DIXDC1: variants seen among roughly 807,000 people sequenced by gnomAD.
DIXDC1 encodes dixin.
DIXDC1 carries 64 observed loss-of-function variants against 103.1 expected under a neutral mutation model. That is an observed-to-expected ratio of 0.62 (90% CI 0.51 to 0.76). The LOEUF (loss-of-function observed/expected upper bound fraction) is 0.76. Among genes scored for constraint, DIXDC1 ranks in the 30% least tolerant of loss-of-function variants. DIXDC1 has a pLI of 0.00. For missense variants in DIXDC1, 759 were observed against 834.2 expected (o/e 0.91, Z 1.11); for synonymous variants, 266 against 298.5 (o/e 0.89, Z 1.12).
chr11:111,982,607 A>G, intron 7 of DIXDC1, 120 bp downstream of exon 7: 1 of 1,066,516 alleles, frequency 9.4e-7, no homozygotes, highest in Non-Finnish European at 1.3e-6. Flanking sequence ...AGGAGTTTAG[A>G]TATAGGGAAT....
chr11:111,967,799 C>G (rs587747117), intron 2 of DIXDC1, among the ~76,000 whole-genome samples: 141 of 152,334 alleles, frequency 9.3e-4, no homozygotes, highest in African/African-American at 3.1e-3. Flanking sequence ...TCTCCATTGG[C>G]TGCTCATTAC....
intron 2 of DIXDC1, among the ~76,000 whole-genome samples, chr11:111,931,717 T>G (rs1000350881): frequency 6.6e-6 from 1 of 152,152 alleles, no homozygotes; most frequent in Non-Finnish European, 1.5e-5. Flanking sequence ...ATAAATTACC[T>G]CGTACAACAA....
At chr11:111,934,713 A>G (rs1555167978), upstream of DIXDC1, among the ~76,000 whole-genome samples, 1 of 152,194 alleles carries the variant, frequency 6.6e-6, no homozygotes, top group Non-Finnish European at 1.5e-5. Context: ...TGTAAGGCCA[A>G]CTAAGATAAC....
Position 111,977,244 on chromosome 11 carries a change from C to G in DIXDC1, c.656+2261C>G. Reference sequence around the variant, plus strand: ...GTTGGCCAGCGGAGCTGGCTTGGGTCGGAGCCCGGCTGCCTCGCCGCGTGT... The same window carrying G: ...GTTGGCCAGCGGAGCTGGCTTGGGTGGGAGCCCGGCTGCCTCGCCGCGTGT... On this transcript the variant is annotated intron_variant, in intron 5 of 19. Transcript: ENST00000440460. The surrounding 1 kb of genome is among the most constrained non-coding windows in gnomAD (Gnocchi z 6.1). 1.0e-6 allele frequency: 1 copy of G among 999,482 alleles called. No individual in the cohort carries two copies. Among genetic ancestry groups the G allele is most frequent in the Non-Finnish European group, 1.2e-6 (1 of 840,282 alleles). The allele number at this position is 999,482 out of a possible 1,614,324, so 61.9% of individuals were successfully genotyped here.
chr11:111,947,911 G>T (rs1358106441), intron 1 of DIXDC1, among the ~76,000 whole-genome samples: 4 of 152,138 alleles, frequency 2.6e-5, no homozygotes, highest in Non-Finnish European at 5.9e-5. Context: ...TCAGTATTTT[G>T]GGAGGCCAAG....
chr11:111,970,629 T>C (rs1859888214), intron 3 of DIXDC1, among the ~76,000 whole-genome samples: 1 of 142,828 alleles, frequency 7.0e-6, no homozygotes, highest in Non-Finnish European at 1.5e-5. Context: ...GCCACTACAC[T>C]CCAGCCTGGG....
chr11:111,971,609 C>G (rs1351679844), intron 3 of DIXDC1, among the ~76,000 whole-genome samples: 5 of 152,210 alleles, frequency 3.3e-5, no homozygotes, highest in African/African-American at 1.2e-4. Context: ...ATAAATCATT[C>G]TACCAAAAGG....
At chr11:111,982,310 G>A in intron 6 of DIXDC1, 29 bp from the exon 7 acceptor site, 3 of 1,605,548 alleles carry the variant, frequency 1.9e-6, no homozygotes, top group Non-Finnish European at 2.5e-6. Flanking sequence ...TCTTCAACAT[G>A]AACTGTACTC....
chr11:111,982,539 C>T (rs1262635537), intron 7 of DIXDC1, 52 bp downstream of exon 7: 8 of 1,568,422 alleles, frequency 5.1e-6, no homozygotes, highest in Non-Finnish European at 6.9e-6. Context: ...ATTATTAAGT[C>T]AGTATTATCA....
intron 1 of DIXDC1, among the ~76,000 whole-genome samples, chr11:111,960,578 G>A (rs1859539703): frequency 7.1e-6 from 1 of 140,364 alleles, no homozygotes; most frequent in Admixed American, 7.1e-5. Context: ...TGGGAGACAA[G>A]AGTGAAACTC....
intron 1 of DIXDC1, among the ~76,000 whole-genome samples, chr11:111,928,240 G>A (rs1965894116): frequency 1.3e-5 from 2 of 151,850 alleles, no homozygotes; most frequent in African/African-American, 4.8e-5. Context: ...AAACTCTGTA[G>A]CCTATTTTCT....
intron 5 of DIXDC1, among the ~76,000 whole-genome samples, chr11:111,978,822 G>A (rs1452720922): frequency 1.3e-5 from 2 of 152,186 alleles, no homozygotes; most frequent in African/African-American, 4.8e-5. Context: ...CTTGCAGGCC[G>A]CTTTCTACAC....
intron 1 of DIXDC1, 89 bp downstream of exon 1, chr11:111,937,648 C>G: frequency 7.3e-7 from 1 of 1,360,994 alleles, no homozygotes; most frequent in Non-Finnish European, 1.0e-6. Context: ...CTCCTCCATC[C>G]TTTGGGGACC....
intron 1 of DIXDC1, among the ~76,000 whole-genome samples, chr11:111,950,701 C>G (rs1365872019): frequency 6.6e-6 from 1 of 151,898 alleles, no homozygotes; most frequent in Non-Finnish European, 1.5e-5. Flanking sequence ...GCTTATCCAC[C>G]TGCCTCAGCC....
intron 5 of DIXDC1, among the ~76,000 whole-genome samples, chr11:111,980,502 G>A (rs1288503683): frequency 6.6e-6 from 1 of 152,186 alleles, no homozygotes; most frequent in Non-Finnish European, 1.5e-5. Context: ...AGGCATCCTT[G>A]TTGTGGGAGA....
intron 1 of DIXDC1, among the ~76,000 whole-genome samples, chr11:111,944,704 CGTG>C (rs1345705905): frequency 6.6e-6 from 1 of 152,148 alleles, no homozygotes. Context: ...CCGGCCACCT[CGTG>C]GTACTATCAC....
intron 12 of DIXDC1, among the ~76,000 whole-genome samples, chr11:111,993,272 A>G (rs1487029575): frequency 6.6e-6 from 1 of 152,184 alleles, no homozygotes; most frequent in East Asian, 1.9e-4. Flanking sequence ...TGAATGGCTC[A>G]TAGTGGTCCT....
At chr11:112,014,652 C>T (rs1272651044) in intron 17 of DIXDC1, among the ~76,000 whole-genome samples, 1 of 152,160 alleles carries the variant, frequency 6.6e-6, no homozygotes, top group African/African-American at 2.4e-5. Context: ...ATCCATCATC[C>T]ATACTAAATG....
chr11:111,989,063 A>G lies in DIXDC1; in HGVS notation c.1113+8A>G, dbSNP rs782544500. 1.3e-5 allele frequency: 21 copies of G among 1,599,306 alleles called. No homozygotes were observed. The highest frequency in any genetic ancestry group is 4.3e-6 in the Non-Finnish European group (5 of 1,174,758). Reference sequence around the variant, plus strand: ...AACTTACAGGGGATAAAGGTAAAAAAGAAGACATTTAATTCTTTAAATAAA... The same window carrying G: ...AACTTACAGGGGATAAAGGTAAAAAGGAAGACATTTAATTCTTTAAATAAA... On this transcript the variant is annotated splice_region_variant and intron_variant, in intron 10 of 19. Coordinates refer to ENST00000440460, the MANE Select transcript of DIXDC1 (RefSeq NM_001037954.4).
Sources: gnomAD v4.1 joint callset for allele counts (sites outside exome capture counted in the v4.1 genomes callset) on GRCh38, gnomAD v4.1.1 for gene constraint, Gnocchi (gnomAD v3.1) non-coding constraint, MANE v1.5 for transcripts, NCBI Gene and HGNC (gene_info 2026-07-23, HGNC 2026-07-21) for gene names.